Variants in ANKRD28 observed in about 807,000 individuals in gnomAD.
ANKRD28 encodes ankyrin repeat domain 28.
Under a neutral mutation model 126.5 loss-of-function variants are expected in ANKRD28, and 44 were observed. That is an observed-to-expected ratio of 0.35 (90% CI 0.27 to 0.45). The LOEUF is 0.45. Among genes scored for constraint, ANKRD28 ranks in the 20% least tolerant of loss-of-function variants. ANKRD28 has a pLI of 1.00. For missense variants in ANKRD28, 1,110 were observed against 1,316.6 expected (o/e 0.84, Z 2.43); for synonymous variants, 442 against 468.5 (o/e 0.94, Z 0.73).
At position 15,685,398 on chromosome 3, in the gene ANKRD28, A is replaced by G. The variant is rs747102128; in HGVS notation, c.2217T>C (p.Gly739=). The part of the protein sequence containing the change: ...EECVDALLQH[G]AKCLLRDSRG... ...TGCTATCCCGAAGTAAGCACTTAGC[A>G]CCATGTTGAAGTAATGCATCTACAC... The change falls in exon 21 of 28, where the codon GGT becomes GGC. Residue 739 remains glycine, a synonymous_variant. Transcript: ENST00000683139. 1 of 1,613,748 alleles carries G rather than the reference A, an allele frequency of 6.2e-7. No homozygotes were observed. The highest frequency in any genetic ancestry group is 1.1e-5 in the South Asian group (1 of 91,056).
intron 3 of ANKRD28, among the ~76,000 whole-genome samples, chr3:15,760,962 C>A (rs1248297308): frequency 6.6e-6 from 1 of 152,042 alleles, no homozygotes; most frequent in African/African-American, 2.4e-5. Context: ...TCCTTATTTC[C>A]TAATTTTTAA....
chr3:15,709,784 T>C (rs895183153), intron 12 of ANKRD28, 48 bp from the exon 13 acceptor site: 1 of 1,289,908 alleles, frequency 7.8e-7, no homozygotes, highest in East Asian at 2.5e-5. Context: ...AGTGATTTTA[T>C]AATGAAATTG....
At chr3:15,857,866 A>T (rs1432750195) in intron 1 of ANKRD28, among the ~76,000 whole-genome samples, 1 of 152,244 alleles carries the variant, frequency 6.6e-6, no homozygotes, top group Admixed American at 6.5e-5. Flanking sequence ...AAAGGAAAAC[A>T]TCGATCAGTC....
At chr3:15,676,337 C>T (rs2470539) in intron 26 of ANKRD28, 92,696 of 189,578 alleles carry the variant, frequency 0.49, 25,528 homozygotes, top group Non-Finnish European at 0.59. Flanking sequence ...GGTAAAGATA[C>T]AGACTATACA....
At chr3:15,772,721 C>T (rs1433878565) in intron 2 of ANKRD28, among the ~76,000 whole-genome samples, 2 of 152,206 alleles carry the variant, frequency 1.3e-5, no homozygotes, top group African/African-American at 2.4e-5. Flanking sequence ...GAGTCTCCCT[C>T]TGTTGCCCAG....
At chr3:15,755,648 G>A (rs1159792597) in intron 3 of ANKRD28, among the ~76,000 whole-genome samples, 3 of 152,162 alleles carry the variant, frequency 2.0e-5, no homozygotes, top group African/African-American at 7.2e-5. Flanking sequence ...TACAGGGGAG[G>A]CAGGGAGAAA....
At chr3:15,834,919 G>A (rs190528366) in intron 1 of ANKRD28, among the ~76,000 whole-genome samples, 1 of 152,300 alleles carries the variant, frequency 6.6e-6, no homozygotes, top group East Asian at 1.9e-4. Flanking sequence ...AAACAGGGGT[G>A]GGCAAATCAC....
chr3:15,776,094 A>G (rs1052998200), intron 2 of ANKRD28, among the ~76,000 whole-genome samples: 1 of 152,220 alleles, frequency 6.6e-6, no homozygotes, highest in Non-Finnish European at 1.5e-5. Context: ...TAGAAGCTGT[A>G]TGCTAGGAAA....
At chr3:15,763,742 G>T (rs997736096) in intron 3 of ANKRD28, among the ~76,000 whole-genome samples, 12 of 152,136 alleles carry the variant, frequency 7.9e-5, no homozygotes, top group African/African-American at 2.9e-4. Flanking sequence ...CAAACAAAAA[G>T]AGAGTAGCAG....
At chr3:15,689,931 A>G in intron 18 of ANKRD28, 88 bp downstream of exon 18, 1 of 1,251,678 alleles carries the variant, frequency 8.0e-7, no homozygotes. Flanking sequence ...AATTTTAAAG[A>G]CAATTAACTG....
intron 2 of ANKRD28, among the ~76,000 whole-genome samples, chr3:15,775,873 C>T (rs890438936): frequency 1.1e-4 from 17 of 152,160 alleles, no homozygotes; most frequent in African/African-American, 4.1e-4. Flanking sequence ...AAATAACTGG[C>T]TACTGGTGAC....
chr3:15,858,343 C>T (rs2061819456), intron 1 of ANKRD28, among the ~76,000 whole-genome samples: 1 of 152,192 alleles, frequency 6.6e-6, no homozygotes, highest in African/African-American at 2.4e-5. Flanking sequence ...CCTAATGATA[C>T]ACAAGGTCTG....
At chr3:15,723,732 C>T (rs909562834) in intron 7 of ANKRD28, among the ~76,000 whole-genome samples, 1 of 151,960 alleles carries the variant, frequency 6.6e-6, no homozygotes, top group Non-Finnish European at 1.5e-5. Flanking sequence ...GATTGTGCCA[C>T]TATACTACAG....
chr3:15,741,027 C>T (rs1023485502), intron 4 of ANKRD28, among the ~76,000 whole-genome samples: 4 of 152,018 alleles, frequency 2.6e-5, no homozygotes, highest in African/African-American at 4.8e-5. Flanking sequence ...GGTGAAACCC[C>T]GTCTCTACTA....
chr3:15,831,010 G>A (rs1169501600), intron 1 of ANKRD28, among the ~76,000 whole-genome samples: 5 of 152,146 alleles, frequency 3.3e-5, no homozygotes, highest in African/African-American at 1.2e-4. Context: ...AGCACTGTCT[G>A]CACAACCCCA....
chr3:15,720,967 C>CCAT lies in ANKRD28; in HGVS notation c.941_943dup (p.His314_Gly315insAsp). ...AACTAGAAGCTCTAAACACAATGCT[C>CCAT]CATGTGTTGATGCAGCAGCAAAGTG... On this transcript the variant is annotated inframe_insertion, in exon 8 of 28. Coordinates refer to ENST00000683139, the MANE Select transcript of ANKRD28 (RefSeq NM_001349278.2). 6.2e-7 allele frequency: 1 copy of CCAT among 1,613,834 alleles called. No individual in the cohort carries two copies. Among genetic ancestry groups the CCAT allele is most frequent in the Non-Finnish European group, 8.5e-7 (1 of 1,179,808 alleles).
At chr3:15,772,790 G>A (rs146067387) in intron 2 of ANKRD28, among the ~76,000 whole-genome samples, 1 of 152,084 alleles carries the variant, frequency 6.6e-6, no homozygotes, top group Non-Finnish European at 1.5e-5. Flanking sequence ...GGGTTCAAGC[G>A]ATTCTCCTGC....
intron 1 of ANKRD28, among the ~76,000 whole-genome samples, chr3:15,859,131 C>T (rs1239371687): frequency 6.6e-6 from 1 of 152,218 alleles, no homozygotes; most frequent in South Asian, 2.1e-4. Context: ...AGCGTGGAAC[C>T]CGCCCCTCTT....
chr3:15,689,882 C>T (rs1385567378), intron 18 of ANKRD28, 137 bp downstream of exon 18: 4 of 731,016 alleles, frequency 5.5e-6, no homozygotes, highest in Non-Finnish European at 8.5e-6. Context: ...TTGGTGAGGT[C>T]AAATAATCCA....
Sources: gnomAD v4.1 joint callset for allele counts (sites outside exome capture counted in the v4.1 genomes callset) on GRCh38, gnomAD v4.1.1 for gene constraint, MANE v1.5 for transcripts, NCBI Gene and HGNC (gene_info 2026-07-23, HGNC 2026-07-21) for gene names.